The following KCNQ1 variants were observed in gnomAD, a reference collection of about 807,000 sequenced individuals.
The protein encoded by KCNQ1 is potassium voltage-gated channel subfamily Q member 1.
A neutral mutation model predicts 72.4 loss-of-function variants in KCNQ1; 49 were observed. That is an observed-to-expected ratio of 0.68 (90% CI 0.54 to 0.86). The LOEUF (loss-of-function observed/expected upper bound fraction) is 0.86. Among genes scored for constraint, KCNQ1 ranks in the 40% least tolerant of loss-of-function variants. KCNQ1 has a pLI of 0.00. For synonymous variants in KCNQ1, 450 were observed against 412.6 expected (o/e 1.09, Z -1.10); for missense variants, 790 against 945.1 (o/e 0.84, Z 2.15).
In KCNQ1 at chr11:2,826,165, G is replaced by A. The variant is rs1219152857; in HGVS notation, c.1795-21602G>A. Reference sequence around the variant, plus strand: ...TTGGGGGGCGGGGGCTGTCCAGCCCGCAGCAGAACCTCTCCGAGGGAGTGC... The same window carrying A: ...TTGGGGGGCGGGGGCTGTCCAGCCCACAGCAGAACCTCTCCGAGGGAGTGC... On this transcript the variant is annotated intron_variant, in intron 15 of 15. Coordinates refer to ENST00000155840, the MANE Select transcript of KCNQ1 (RefSeq NM_000218.3). This position sits in a 1 kb window ranked among gnomAD's most constrained non-coding sequence, Gnocchi z 4.2. Among the ~76,000 whole-genome samples the A allele has an allele frequency of 3.9e-5, 6 of 152,208 alleles. No homozygotes were observed. The highest frequency in any genetic ancestry group is 4.8e-5 in the African/African-American group (2 of 41,452).
chr11:2,512,167 G>A (rs1237330777), intron 1 of KCNQ1, among the ~76,000 whole-genome samples: 2 of 152,156 alleles, frequency 1.3e-5, no homozygotes, highest in Non-Finnish European at 2.9e-5. Flanking sequence ...CAAAACCTGG[G>A]CCATAAGCTC....
chr11:2,763,256 C>T (rs1255050158), intron 11 of KCNQ1, among the ~76,000 whole-genome samples: 4 of 152,096 alleles, frequency 2.6e-5, no homozygotes, highest in Non-Finnish European at 5.9e-5. Context: ...AGCAGTCTTA[C>T]ACATCTTTAA....
intron 2 of KCNQ1, among the ~76,000 whole-genome samples, chr11:2,557,717 A>C (rs145342246): frequency 6.6e-6 from 1 of 152,348 alleles, no homozygotes. Context: ...AGAAATGAAC[A>C]GTCCAGGAGA....
chr11:2,607,502 C>G (rs567447341), intron 10 of KCNQ1, among the ~76,000 whole-genome samples: 1 of 152,188 alleles, frequency 6.6e-6, no homozygotes, highest in South Asian at 2.1e-4. Context: ...GTAAAAGAGA[C>G]CTCAGTGAGC....
chr11:2,698,585 G>T lies in KCNQ1; in HGVS notation c.1514+36504G>T, dbSNP rs1229672981. 7.5e-6 allele frequency: 3 copies of T among 397,624 alleles called. No homozygotes were observed. Among genetic ancestry groups the T allele is most frequent in the Admixed American group, 4.4e-5 (1 of 22,634 alleles). The allele number at this position is 397,624 out of a possible 1,614,324, so 24.6% of individuals were successfully genotyped here. A position where few individuals can be genotyped will look rare whatever the true frequency, so the allele number is the denominator to read the frequency against. On this transcript the variant is annotated intron_variant, in intron 11 of 15. Coordinates refer to ENST00000155840, the MANE Select transcript of KCNQ1 (RefSeq NM_000218.3). The surrounding 1 kb of genome is among the most constrained non-coding windows in gnomAD (Gnocchi z 5.1). Reference sequence around the variant, plus strand: ...ATTCCTGACTCAGAATCCCCACCTAGAGGCAGAACTTCGACTTCAATTCCT... The same window carrying T: ...ATTCCTGACTCAGAATCCCCACCTATAGGCAGAACTTCGACTTCAATTCCT...
At chr11:2,522,894 T>C (rs1298790080) in intron 1 of KCNQ1, among the ~76,000 whole-genome samples, 3 of 152,216 alleles carry the variant, frequency 2.0e-5, no homozygotes, top group Admixed American at 2.0e-4. Context: ...GCACACTCTG[T>C]GGGGGCTGGT....
intron 10 of KCNQ1, chr11:2,631,674 C>G (rs1291702404): frequency 4.8e-5 from 19 of 398,428 alleles, no homozygotes; most frequent in Non-Finnish European, 1.3e-5. Flanking sequence ...TTGAAATCTG[C>G]TCACTTGATG....
intron 11 of KCNQ1, chr11:2,689,753 G>A (rs999508482): frequency 3.0e-5 from 12 of 398,566 alleles, no homozygotes; most frequent in Non-Finnish European, 4.9e-5. Flanking sequence ...TTGTTTACAG[G>A]AGACTGATGG....
At chr11:2,460,387 T>C (rs1362438775) in intron 1 of KCNQ1, among the ~76,000 whole-genome samples, 1 of 152,142 alleles carries the variant, frequency 6.6e-6, no homozygotes, top group African/African-American at 2.4e-5. Context: ...GAGGAGCAGG[T>C]GCCCAAGCCC....
At chr11:2,634,452 G>C (rs1244889826) in intron 10 of KCNQ1, 1 of 160,850 alleles carries the variant, frequency 6.2e-6, no homozygotes, top group Non-Finnish European at 1.3e-5. Context: ...TCTTGCTATA[G>C]TTTGCTGAGA....
intron 10 of KCNQ1, among the ~76,000 whole-genome samples, chr11:2,597,308 T>A (rs955030527): frequency 1.8e-4 from 28 of 152,346 alleles, no homozygotes; most frequent in Admixed American, 1.2e-3. Flanking sequence ...AAGATGCATA[T>A]GCCTTTGAAT....
Position 2,747,674 on chromosome 11 carries a change from G to A in KCNQ1, c.1515-21170G>A, listed in dbSNP as rs79597466. 1.5e-3 allele frequency among the ~76,000 whole-genome samples: 228 copies of A among 152,332 alleles called. No individual in the cohort carries two copies. In the East Asian group the frequency reaches 0.021, roughly 14 times the overall value. ...GGAAGATGGCTTTGGGGGTGGACAC[G>A]TCTGGGCAGGCTTCTTGCAGAAAGG... On this transcript the variant is annotated intron_variant, in intron 11 of 15. Coordinates refer to ENST00000155840, the MANE Select transcript of KCNQ1 (RefSeq NM_000218.3).
At chr11:2,741,797 C>A (rs1315658061) in intron 11 of KCNQ1, among the ~76,000 whole-genome samples, 1 of 152,212 alleles carries the variant, frequency 6.6e-6, no homozygotes, top group Non-Finnish European at 1.5e-5. Flanking sequence ...GAGCCTCTTC[C>A]AGGGATCCTC....
intron 1 of KCNQ1, among the ~76,000 whole-genome samples, chr11:2,465,565 C>T (rs1054813787): frequency 1.3e-5 from 2 of 152,222 alleles, no homozygotes; most frequent in African/African-American, 4.8e-5. Context: ...TAGCAGAGCT[C>T]CCTGTCCGGC....
intron 15 of KCNQ1, among the ~76,000 whole-genome samples, chr11:2,825,117 A>T (rs989204180): frequency 1.3e-5 from 2 of 152,204 alleles, no homozygotes; most frequent in African/African-American, 4.8e-5. Flanking sequence ...CCATGCGCAG[A>T]GACAGGGTCA....
intron 2 of KCNQ1, among the ~76,000 whole-genome samples, chr11:2,548,357 A>G (rs998621409): frequency 6.6e-6 from 1 of 152,246 alleles, no homozygotes; most frequent in East Asian, 1.9e-4. Context: ...AAGAAAATAC[A>G]GCAGAACATG....
At chr11:2,667,196 G>GC (rs1554904604) in intron 11 of KCNQ1, 40 of 398,694 alleles carry the variant, frequency 1.0e-4, no homozygotes, top group East Asian at 7.1e-4. Flanking sequence ...AGCTGTGGCG[G>GC]CCCCCCGTGG....
At position 2,657,421 on chromosome 11, in the gene KCNQ1, ATACT is replaced by A. The variant is rs1385713872; in HGVS notation, c.1394-4537_1394-4534del. The A allele has an allele frequency of 7.5e-6, 3 of 398,420 alleles. No homozygotes were observed. The highest frequency in any genetic ancestry group is 8.8e-5 in the Admixed American group (2 of 22,722). 24.7% of individuals were successfully genotyped at this position (398,420 alleles called of 1,614,324 possible). ...ACAATTTTCTCCAGAGTTCTTGCAT[ATACT>A]TAGTTAGATAATTAATATTCTTTTG... On this transcript the variant is annotated intron_variant, in intron 10 of 15. Transcript: ENST00000155840. This position sits in a 1 kb window ranked among gnomAD's most constrained non-coding sequence, Gnocchi z 4.8.
At position 2,507,105 on chromosome 11, in the gene KCNQ1, CCA is replaced by C. The variant is rs1847117225; in HGVS notation, c.387-20820_387-20819del. 6.6e-6 allele frequency among the ~76,000 whole-genome samples: 1 copy of C among 152,178 alleles called. No individual in the cohort carries two copies. Among genetic ancestry groups the C allele is most frequent in the African/African-American group, 2.4e-5 (1 of 41,436 alleles). ...CTTTCTACTGACTCCGGATTCAGGG[CCA>C]CAGTTGAGAGCTTTTTCCTCCACCG... On this transcript the variant is annotated intron_variant, in intron 1 of 15. Transcript: ENST00000155840. The surrounding 1 kb of genome is among the most constrained non-coding windows in gnomAD (Gnocchi z 5.4).
Sources: allele counts gnomAD v4.1 joint callset (sites outside exome capture counted in the v4.1 genomes callset), GRCh38; gene constraint gnomAD v4.1.1; non-coding constraint Gnocchi (gnomAD v3.1); transcripts MANE v1.5; gene names NCBI Gene and HGNC (gene_info 2026-07-23, HGNC 2026-07-21).